Variants in HEG1 observed in about 807,000 individuals in gnomAD.
HEG1 encodes the protein heart development protein with EGF like domains 1.
A neutral mutation model predicts 125.6 loss-of-function variants in HEG1; 56 were observed. The ratio of observed to expected loss-of-function variants is 0.45; its 90% CI spans 0.36 to 0.56. The LOEUF is 0.56. Among genes scored for constraint, HEG1 ranks in the 20% least tolerant of loss-of-function variants. HEG1 has a pLI of 0.00. For missense variants in HEG1, 1,523 were observed against 1,670.0 expected (o/e 0.91, Z 1.53); for synonymous variants, 644 against 668.5 (o/e 0.96, Z 0.57).
chr3:125,002,215 T>A, intron 10 of HEG1, 42 bp downstream of exon 10: 1 of 1,583,428 alleles, frequency 6.3e-7, no homozygotes, highest in Non-Finnish European at 8.7e-7. Context: ...GCCTCCCCTT[T>A]GTACAGACTA....
intron 5 of HEG1, among the ~76,000 whole-genome samples, chr3:125,015,733 T>C (rs539415506): frequency 1.3e-5 from 2 of 152,032 alleles, no homozygotes; most frequent in East Asian, 3.9e-4. Flanking sequence ...TCAGAAATGA[T>C]GAAAATGAGG....
rs1937195584 is a variant in HEG1 at position 125,013,599 on chromosome 3, G to A, written c.1980C>T (p.Ser660=). The A allele has an allele frequency of 1.2e-6, 2 of 1,600,790 alleles. No homozygotes were observed. Among genetic ancestry groups the A allele is most frequent in the Non-Finnish European group, 8.5e-7 (1 of 1,173,400 alleles). ...AAGAGGAGGAGGAGGAAGAGGAGGA[G>A]GAGGAGTCACTAACAAACTCAGCAT... ...DTDAEFVSDS[S]SSSSSSSSSS... is the part of the protein sequence containing the mutation. Residue 660 remains serine (S), a synonymous_variant, in exon 6 of 17, where the codon TCC becomes TCT. Transcript: ENST00000311127.
At chr3:124,981,363 A>G (rs1345087353) in intron 14 of HEG1, among the ~76,000 whole-genome samples, 2 of 151,682 alleles carry the variant, frequency 1.3e-5, no homozygotes, top group Non-Finnish European at 2.9e-5. Context: ...ATGTCAAGTT[A>G]ATATAAACAT....
intron 5 of HEG1, 50 bp from the exon 6 acceptor site, chr3:125,014,040 C>A (rs760206260): frequency 5.4e-5 from 79 of 1,459,332 alleles, no homozygotes; most frequent in Non-Finnish European, 7.1e-5. Context: ...CAACAAAACT[C>A]TGAAATATGC....
chr3:125,019,160 G>A lies in HEG1; in HGVS notation c.1588+102C>T, dbSNP rs1579422198. 46 of 985,872 alleles carry A rather than the reference G, an allele frequency of 4.7e-5. 1 individual carries two copies. The highest frequency in any genetic ancestry group is 3.0e-4 in the South Asian group (19 of 63,528). The allele number at this position is 985,872 out of a possible 1,614,324, so 61.1% of individuals were successfully genotyped here. On this transcript the variant is annotated intron_variant, in intron 5 of 16. Transcript: ENST00000311127. ...TGGGATTACAGGCGTGAGCCACCACGCTAGGCCCTCATGCGTGGTTTTAAT... is the reference window on the plus strand; with the variant it reads ...TGGGATTACAGGCGTGAGCCACCACACTAGGCCCTCATGCGTGGTTTTAAT...
chr3:125,028,337 C>T (rs534936350), intron 2 of HEG1, among the ~76,000 whole-genome samples: 3 of 152,340 alleles, frequency 2.0e-5, no homozygotes, highest in South Asian at 4.1e-4. Context: ...AAAAGTCCTC[C>T]GTGATTGTCC....
chr3:125,010,797 TTGTAA>T (rs1937147491), intron 6 of HEG1, among the ~76,000 whole-genome samples: 2 of 152,232 alleles, frequency 1.3e-5, no homozygotes, highest in African/African-American at 4.8e-5. Context: ...CAAGAACTGA[TTGTAA>T]TCAAATGCTG....
At chr3:125,011,592 C>T (rs1560024439) in intron 6 of HEG1, among the ~76,000 whole-genome samples, 1 of 152,172 alleles carries the variant, frequency 6.6e-6, no homozygotes, top group Non-Finnish European at 1.5e-5. Flanking sequence ...CTTTCATTTC[C>T]CAGAGGTGCT....
intron 14 of HEG1, among the ~76,000 whole-genome samples, chr3:124,988,407 C>T (rs1406142849): frequency 2.0e-5 from 3 of 152,184 alleles, no homozygotes; most frequent in Non-Finnish European, 4.4e-5. Context: ...AGAATTTTGA[C>T]TATTCTTTAA....
Position 125,009,672 on chromosome 3 carries a change from G to A in HEG1, c.3193+33C>T, listed in dbSNP as rs971067831. On this transcript the variant is annotated intron_variant, in intron 8 of 16. Transcript: ENST00000311127. ...TACCTTGTAAAATATATTGTGGTAC[G>A]GAATAAAGTCCGAAATAGACTAAGT... The A allele has an allele frequency of 9.5e-6, 15 of 1,578,984 alleles. No homozygotes were observed. In the Admixed American group the frequency reaches 1.2e-4, roughly 13 times the overall value.
intron 1 of HEG1, 48 bp from the exon 2 acceptor site, chr3:125,029,536 A>C: frequency 6.5e-7 from 1 of 1,532,116 alleles, no homozygotes. Context: ...GGCTTCTGAC[A>C]AGAAAAGTAA....
chr3:125,017,979 G>GA (rs1937277067), intron 5 of HEG1, among the ~76,000 whole-genome samples: 1 of 151,792 alleles, frequency 6.6e-6, no homozygotes, highest in Non-Finnish European at 1.5e-5. Context: ...CAGTGAGCCG[G>GA]GATGGTGCCA....
intron 1 of HEG1, among the ~76,000 whole-genome samples, chr3:125,041,170 C>A (rs975664624): frequency 6.6e-6 from 1 of 152,128 alleles, no homozygotes; most frequent in East Asian, 1.9e-4. Context: ...TGATTTCCGG[C>A]GTGTGGCAAG....
intron 1 of HEG1, among the ~76,000 whole-genome samples, chr3:125,052,445 T>C (rs777934212): frequency 1.3e-5 from 2 of 152,140 alleles, no homozygotes; most frequent in South Asian, 4.1e-4. Context: ...TCTAAGATTA[T>C]TGTTTCTCGG....
At chr3:125,039,486 G>C (rs942165291) in intron 1 of HEG1, among the ~76,000 whole-genome samples, 1 of 152,008 alleles carries the variant, frequency 6.6e-6, no homozygotes, top group Admixed American at 6.6e-5. Context: ...CTCAACCCCC[G>C]CAGCGGGCCA....
intron 1 of HEG1, among the ~76,000 whole-genome samples, chr3:125,036,469 C>T (rs75875521): frequency 7.7e-4 from 117 of 152,178 alleles, no homozygotes; most frequent in African/African-American, 2.6e-3. Context: ...GTTTTTATTA[C>T]AGTCTTATAC....
At chr3:125,050,554 C>T (rs77127058) in intron 1 of HEG1, among the ~76,000 whole-genome samples, 2 of 152,224 alleles carry the variant, frequency 1.3e-5, no homozygotes, top group Non-Finnish European at 2.9e-5. Flanking sequence ...GTGGTCTCCA[C>T]GTCTGCATGC....
At chr3:125,036,609 A>C (rs1187593140) in intron 1 of HEG1, among the ~76,000 whole-genome samples, 1 of 152,214 alleles carries the variant, frequency 6.6e-6, no homozygotes, top group Non-Finnish European at 1.5e-5. Flanking sequence ...TTAACACATA[A>C]AGAACTTTTT....
At chr3:125,044,173 C>T (rs1392088446) in intron 1 of HEG1, among the ~76,000 whole-genome samples, 1 of 152,118 alleles carries the variant, frequency 6.6e-6, no homozygotes, top group Non-Finnish European at 1.5e-5. Context: ...AGCTCCAGGG[C>T]CTCCGAGGGG....
Sources: gnomAD v4.1 joint callset for allele counts (sites outside exome capture counted in the v4.1 genomes callset) on GRCh38, gnomAD v4.1.1 for gene constraint, MANE v1.5 for transcripts, NCBI Gene and HGNC (gene_info 2026-07-23, HGNC 2026-07-21) for gene names.